Variants in CD99 observed in about 807,000 individuals in gnomAD.
CD99 encodes the protein CD99 molecule (Xg blood group), also known as CD99 antigen.
In CD99, 19 loss-of-function variants were observed where a neutral mutation model predicts 28.4. That is an observed-to-expected ratio of 0.67 (90% CI 0.47 to 0.98). The LOEUF is 0.98. CD99 is among the 50% of genes least tolerant of loss of function. The probability of loss-of-function intolerance (pLI) is 0.00; values close to 1 mark genes in which losing one functional copy is unlikely to be tolerated. For missense variants in CD99, 283 were observed against 248.8 expected, an observed-to-expected ratio of 1.14 and a Z score of -0.92; for synonymous variants, 103 against 92.1, an observed-to-expected ratio of 1.12 and a Z score of -0.67.
At chrX:2,717,996 C>A (rs186914842) in intron 3 of CD99, 3,498 of 261,360 alleles carry the variant, frequency 0.013, 129 homozygotes, top group African/African-American at 0.08. Context: ...GGCTGGAGTG[C>A]AGTGGTGTGA....
chrX:2,705,066 G>C (rs1264251902), intron 1 of CD99, among the ~76,000 whole-genome samples: 1 of 152,202 alleles, frequency 6.6e-6, no homozygotes, highest in Non-Finnish European at 1.5e-5. Flanking sequence ...TTTAACTATT[G>C]CTACAGACAT....
chrX:2,716,695 G>C (rs1414675252), intron 2 of CD99, among the ~76,000 whole-genome samples: 4 of 152,214 alleles, frequency 2.6e-5, no homozygotes, highest in African/African-American at 9.6e-5. Flanking sequence ...CTGTGGTGCA[G>C]TGCAGATGGT....
intron 1 of CD99, among the ~76,000 whole-genome samples, chrX:2,708,102 T>TACACCTGGGGGACTGCCTTCCTCACAC (rs1183894530): frequency 6.6e-6 from 1 of 151,952 alleles, no homozygotes; most frequent in Admixed American, 6.6e-5. Context: ...TCCATTTATA[T>TACACCTGGGGGACTGCCTTCCTCACAC]ACACCTGGGG....
intron 1 of CD99, among the ~76,000 whole-genome samples, chrX:2,704,889 A>C (rs1051388809): frequency 4.6e-5 from 7 of 151,826 alleles, no homozygotes; most frequent in Non-Finnish European, 1.0e-4. Context: ...TAATTTTTGC[A>C]TTTTTTGTAG....
At chrX:2,732,501 C>T (rs1454407220) in intron 8 of CD99, among the ~76,000 whole-genome samples, 2 of 149,708 alleles carry the variant, frequency 1.3e-5, no homozygotes, top group Admixed American at 6.7e-5. Flanking sequence ...CTTTCCCCCT[C>T]CCTCCTTCTT....
chrX:2,720,358 G>A lies in CD99; in HGVS notation c.196G>A (p.Asp66Asn), dbSNP rs774386901. 10 of 1,613,246 alleles carry A rather than the reference G, an allele frequency of 6.2e-6. No individual in the cohort carries two copies. Among genetic ancestry groups the A allele is most frequent in the South Asian group, 5.5e-5 (5 of 91,032 alleles). Residue 66 changes from aspartate (D) to asparagine (N), a missense_variant and splice_region_variant, in exon 5 of 10, where the codon GAC becomes AAC. Coordinates refer to ENST00000381192, the MANE Select transcript of CD99 (RefSeq NM_002414.5). ...GDAVVDGEND[D>N]PRPPNPPKPM... is the part of the protein sequence containing the mutation. ...CAACTCTCATCTTTCACAAACAGACGACCCACGACCACCGAACCCACCCAA... is the reference window on the plus strand; with the variant it reads ...CAACTCTCATCTTTCACAAACAGACAACCCACGACCACCGAACCCACCCAA...
chrX:2,693,393 C>G (rs888468875), intron 1 of CD99, among the ~76,000 whole-genome samples: 3 of 152,066 alleles, frequency 2.0e-5, no homozygotes, highest in African/African-American at 7.2e-5. Context: ...AGGGGCCAAC[C>G]TATCCTTCCA....
intron 7 of CD99, 176 bp downstream of exon 7, chrX:2,723,540 C>G (rs2049111350): frequency 1.4e-6 from 1 of 695,392 alleles, no homozygotes; most frequent in Non-Finnish European, 2.6e-6. Flanking sequence ...GGTCCCCCAG[C>G]AAACCAGCCC....
Position 2,726,300 on chromosome X carries a change from C to T in CD99, c.402C>T (p.Val134=), listed in dbSNP as rs769534229. ...PGVIPGIVGA[V]VVAVAGAISS... is the part of the protein sequence containing the mutation. ...TGATCCCCGGGATTGTGGGGGCTGTCGTGGTCGCCGTGGCTGGAGCCATCT... is the reference window on the plus strand; with the variant it reads ...TGATCCCCGGGATTGTGGGGGCTGTTGTGGTCGCCGTGGCTGGAGCCATCT... Residue 134 remains valine (V), a synonymous_variant, in exon 8 of 10, where the codon GTC becomes GTT. Transcript: ENST00000381192. 41 of 1,611,974 alleles carry T rather than the reference C, an allele frequency of 2.5e-5. No homozygotes were observed. In the South Asian group the frequency reaches 3.7e-4, roughly 15 times the overall value.
chrX:2,703,636 G>GTGTGTGTT (rs1000928842), intron 1 of CD99, among the ~76,000 whole-genome samples: 1 of 149,354 alleles, frequency 6.7e-6, no homozygotes, highest in Non-Finnish European at 1.5e-5. Context: ...GTGTGTGTGT[G>GTGTGTGTT]TGTGTGTGTG....
At position 2,691,752 on chromosome X, in the gene CD99, A is replaced by G. The variant is rs1250910890; in HGVS notation, c.67+325A>G. 3 of 746,416 alleles carry G rather than the reference A, an allele frequency of 4.0e-6. 1 individual carries two copies. The highest frequency in any genetic ancestry group is 4.5e-4 in the Middle Eastern group (2 of 4,410). 46.2% of individuals were successfully genotyped at this position (746,416 alleles called of 1,614,324 possible). On this transcript the variant is annotated intron_variant, in intron 1 of 9. Coordinates refer to ENST00000381192, the MANE Select transcript of CD99 (RefSeq NM_002414.5). ...TTCTTACAGATCTCTCTCCCTTTGC[A>G]TGAGCCCCTCACCCCACCCCGTTAT...
At chrX:2,708,146 CTCCCTCACACACACCTGGGGAACTGCA>C (rs2048211037) in intron 1 of CD99, among the ~76,000 whole-genome samples, 1 of 148,120 alleles carries the variant, frequency 6.8e-6, no homozygotes. Context: ...GGGGGACTGC[CTCCCTCACACACACCTGGGGAACTGCA>C]TCCCTTCACA....
In CD99 at chrX:2,720,353, CAG is replaced by C; in HGVS notation, c.194-1_194del. On this transcript the variant is annotated splice_acceptor_variant, in intron 4 of 9. Transcript: ENST00000381192. LOFTEE classifies it high-confidence loss of function. ...AATTGCAACTCTCATCTTTCACAAA[CAG>C]ACGACCCACGACCACCGAACCCACC... 1 of 1,613,668 alleles carries C rather than the reference CAG, an allele frequency of 6.2e-7. No homozygotes were observed. Among genetic ancestry groups the C allele is most frequent in the Non-Finnish European group, 8.5e-7 (1 of 1,179,786 alleles).
At chrX:2,691,926 A>T (rs1223750090) in intron 1 of CD99, 3 of 779,016 alleles carry the variant, frequency 3.9e-6, no homozygotes, top group Non-Finnish European at 7.2e-6. Flanking sequence ...GGGAAGGAAA[A>T]GTTAGAAAAA....
chrX:2,729,569 C>A (rs2049482509), intron 8 of CD99, among the ~76,000 whole-genome samples: 1 of 152,060 alleles, frequency 6.6e-6, no homozygotes. Flanking sequence ...ATGGGAATTA[C>A]AATTTAAGAT....
chrX:2,730,467 C>T (rs1486288686), intron 8 of CD99, among the ~76,000 whole-genome samples: 4 of 152,082 alleles, frequency 2.6e-5, no homozygotes, highest in Non-Finnish European at 1.5e-5. Context: ...CCACCGTGCC[C>T]GGCCCCCAAA....
At chrX:2,734,996 C>G (rs747471759) in intron 8 of CD99, among the ~76,000 whole-genome samples, 1 of 152,242 alleles carries the variant, frequency 6.6e-6, no homozygotes, top group East Asian at 1.9e-4. Flanking sequence ...CACCTTCTCA[C>G]AGAGGTCACC....
At chrX:2,712,713 C>T (rs950154904) in intron 1 of CD99, among the ~76,000 whole-genome samples, 6 of 152,176 alleles carry the variant, frequency 3.9e-5, no homozygotes, top group South Asian at 2.1e-4. Context: ...AGAGCTGTTC[C>T]GAGCGTTTTG....
chrX:2,733,743 G>A (rs1264890064), intron 8 of CD99: 1 of 328,472 alleles, frequency 3.0e-6, no homozygotes, highest in African/African-American at 2.1e-5. Context: ...CTGGGGCCCA[G>A]GGTGGCCACC....
Sources: allele counts gnomAD v4.1 joint callset (sites outside exome capture counted in the v4.1 genomes callset), GRCh38; gene constraint gnomAD v4.1.1; transcripts MANE v1.5; gene names NCBI Gene and HGNC (gene_info 2026-07-23, HGNC 2026-07-21).